Variants in REST observed in about 807,000 individuals in gnomAD.
REST encodes the protein RE1 silencing transcription factor.
In REST, 1 loss-of-function variant was observed where a neutral mutation model predicts 30.4. The ratio of observed to expected loss-of-function variants is 0.03; its 90% CI spans 0.01 to 0.16. The LOEUF is 0.16. REST is among the 10% of genes least tolerant of loss of function. The pLI, the probability that REST is intolerant of heterozygous loss-of-function variation, is 1.00. For missense variants in REST, 1,259 were observed against 1,329.5 expected (o/e 0.95, Z 0.82); for synonymous variants, 504 against 451.1 (o/e 1.12, Z -1.49).
chr4:56,935,706 C>T lies in REST; in HGVS notation c.*3554C>T, dbSNP rs1417283855. ...ATAAAAATAAACCAGATTGCAAATC[C>T]TTTTTTAAAATCCTAAACCATGTAC... is the stretch of plus-strand genomic sequence containing the variant. On this transcript the variant is annotated 3_prime_UTR_variant, in exon 4 of 4. Transcript: ENST00000309042. 1 of 152,052 alleles carries T rather than the reference C, an allele frequency of 6.6e-6. No individual in the cohort carries two copies. Among genetic ancestry groups the T allele is most frequent in the Non-Finnish European group, 1.5e-5 (1 of 68,000 alleles). The allele number at this position is 152,052 out of a possible 1,614,324, so 9.4% of individuals were successfully genotyped here.
chr4:56,918,863 G>T (rs1720320240), intron 2 of REST, among the ~76,000 whole-genome samples: 1 of 152,050 alleles, frequency 6.6e-6, no homozygotes, highest in African/African-American at 2.4e-5. Context: ...TAGAGAGGAG[G>T]TCTTGCTATG....
At chr4:56,926,744 T>C (rs973591583) in intron 3 of REST, among the ~76,000 whole-genome samples, 4 of 152,056 alleles carry the variant, frequency 2.6e-5, no homozygotes, top group Non-Finnish European at 5.9e-5. Flanking sequence ...CTGCTCCATG[T>C]TAAGGACTTT....
chr4:56,917,077 C>T (rs183049068), intron 2 of REST, among the ~76,000 whole-genome samples: 1 of 152,180 alleles, frequency 6.6e-6, no homozygotes, highest in Non-Finnish European at 1.5e-5. Flanking sequence ...GTCTTCATCT[C>T]CTTGTGGTTT....
At chr4:56,914,969 G>A (rs1720117495) in intron 2 of REST, among the ~76,000 whole-genome samples, 1 of 139,316 alleles carries the variant, frequency 7.2e-6, no homozygotes, top group Admixed American at 7.7e-5. Context: ...TTGTCGCCCA[G>A]GGTGGAGTGC....
rs148966683 is a variant in REST at position 56,930,498 on chromosome 4, T to C, written c.1640T>C (p.Val547Ala). The C allele has an allele frequency of 5.6e-5, 90 of 1,611,080 alleles. No individual in the cohort carries two copies. The African/African-American group carries it at 1.1e-3, about 19-fold the overall frequency. The change falls in exon 4 of 4, where the codon GTA (valine) becomes GCA (alanine). Residue 547 changes from valine to alanine, a missense_variant. Val to Ala is a moderately conservative substitution (Grantham distance 64, BLOSUM62 0). Around this residue, in one of 5 missense-constraint regions of REST, gnomAD observed 856 missense variants for 772.8 expected, o/e 1.11. Coordinates refer to ENST00000309042, the MANE Select transcript of REST (RefSeq NM_005612.5). Reference sequence around the variant, plus strand: ...TCTTCAACAAAAAAGAAAAAGAAGGTAGAAAGCAAATCCAAAAATAATAGT... The same window carrying C: ...TCTTCAACAAAAAAGAAAAAGAAGGCAGAAAGCAAATCCAAAAATAATAGT... The part of the protein sequence containing the change: ...EESSTKKKKK[V>A]ESKSKNNSQE...
intron 3 of REST, among the ~76,000 whole-genome samples, chr4:56,923,315 T>C (rs960357963): frequency 1.7e-4 from 26 of 152,238 alleles, no homozygotes; most frequent in African/African-American, 6.3e-4. Flanking sequence ...CTGCGCAGGC[T>C]GGAATGCAGT....
rs1364983415 is a variant in REST at position 56,929,094 on chromosome 4, C to A, written c.983-747C>A. On this transcript the variant is annotated intron_variant, in intron 3 of 3. Coordinates refer to ENST00000309042, the MANE Select transcript of REST (RefSeq NM_005612.5). ...TTTTTTTTTTTTTTTCTTTGAGACA[C>A]AGTCTCGCTGTCACCTAGGCTGGAG... Among the ~76,000 whole-genome samples the A allele has an allele frequency of 6.7e-5, 10 of 148,552 alleles. No individual in the cohort carries two copies. The Admixed American group carries it at 6.8e-4, about 10-fold the overall frequency.
chr4:56,922,866 C>A (rs1240800196), intron 3 of REST, among the ~76,000 whole-genome samples: 1 of 152,162 alleles, frequency 6.6e-6, no homozygotes, highest in Non-Finnish European at 1.5e-5. Flanking sequence ...AAATGATATG[C>A]CTCATTTAAA....
chr4:56,910,014 T>G (rs1432591028), intron 1 of REST, among the ~76,000 whole-genome samples: 1 of 152,262 alleles, frequency 6.6e-6, no homozygotes, highest in African/African-American at 2.4e-5. Context: ...ATGTTTTTTC[T>G]TTTAAGCCTG....
chr4:56,924,162 A>G (rs373718375), intron 3 of REST, among the ~76,000 whole-genome samples: 2 of 152,170 alleles, frequency 1.3e-5, no homozygotes, highest in African/African-American at 4.8e-5. Flanking sequence ...CCAGACAGAC[A>G]TGTTTTATTT....
At chr4:56,923,697 C>A (rs1720553584) in intron 3 of REST, among the ~76,000 whole-genome samples, 1 of 151,420 alleles carries the variant, frequency 6.6e-6, no homozygotes, top group Non-Finnish European at 1.5e-5. Context: ...CCGCGCCTGG[C>A]TGGAACTATT....
intron 1 of REST, chr4:56,908,848 G>C (rs1419533383): frequency 6.6e-6 from 1 of 151,714 alleles, no homozygotes; most frequent in Non-Finnish European, 1.5e-5. Context: ...GGGCGCCGTG[G>C]GGGAGTGAAG....
intron 2 of REST, among the ~76,000 whole-genome samples, chr4:56,912,243 A>G (rs1203715098): frequency 1.3e-5 from 2 of 152,186 alleles, no homozygotes; most frequent in Non-Finnish European, 1.5e-5. Context: ...CTATTTTCCT[A>G]TGAAAGCAAA....
intron 2 of REST, among the ~76,000 whole-genome samples, chr4:56,912,739 C>G (rs897154268): frequency 7.9e-5 from 12 of 152,002 alleles, no homozygotes; most frequent in Non-Finnish European, 1.5e-4. Flanking sequence ...GTCTTGAACT[C>G]CTGACCTCGT....
chr4:56,916,621 AGCGAGACT>A (rs1335355852), intron 2 of REST, among the ~76,000 whole-genome samples: 1 of 152,246 alleles, frequency 6.6e-6, no homozygotes, highest in African/African-American at 2.4e-5. Context: ...TGGGCGACAG[AGCGAGACT>A]GCGTCTCAAA....
chr4:56,912,056 A>C (rs1380500029), intron 2 of REST, among the ~76,000 whole-genome samples: 1 of 152,246 alleles, frequency 6.6e-6, no homozygotes, highest in Non-Finnish European at 1.5e-5. Flanking sequence ...GAGGGCTTAT[A>C]TAAAAAGGAA....
At position 56,932,199 on chromosome 4, in the gene REST, C is replaced by T. The variant is rs762391711; in HGVS notation, c.*47C>T. 1.3e-6 allele frequency: 2 copies of T among 1,522,278 alleles called. No individual in the cohort carries two copies. The highest frequency in any genetic ancestry group is 1.3e-5 in the South Asian group (1 of 76,620). The allele number at this position is 1,522,278 out of a possible 1,614,324, so 94.3% of individuals were successfully genotyped here. The stretch of plus-strand genomic sequence containing the variant: ...AGTTCTTAGTTTGTAAGGTATATTA[C>T]ATTTTATATTCATTTATGATAGCAG... On this transcript the variant is annotated 3_prime_UTR_variant, in exon 4 of 4. Transcript: ENST00000309042.
rs915278718 is a variant in REST, at chr4:56,933,144, A to G, written c.*992A>G. ...TCACAGCTATCAGTTTTGATTTTGC[A>G]ATAAATAAACCACTAGGTTGCATGT... On this transcript the variant is annotated 3_prime_UTR_variant, in exon 4 of 4. Transcript: ENST00000309042. 1 of 152,200 alleles carries G rather than the reference A, an allele frequency of 6.6e-6. No individual in the cohort carries two copies. Among genetic ancestry groups the G allele is most frequent in the African/African-American group, 2.4e-5 (1 of 41,448 alleles). 9.4% of individuals were successfully genotyped at this position (152,200 alleles called of 1,614,324 possible).
chr4:56,931,431 A>G lies in REST; in HGVS notation c.2573A>G (p.Glu858Gly). ...CTTCTAAAGGAAAGTGTAAGCACAGAGGATCTCTCACCACCATCACCACCA... is the reference window on the plus strand; with the variant it reads ...CTTCTAAAGGAAAGTGTAAGCACAGGGGATCTCTCACCACCATCACCACCA... ...SWLLKESVST[E>G]DLSPPSPPLP... Residue 858 changes from glutamate (E) to glycine (G), a missense_variant, in exon 4 of 4, where the codon GAG (glutamate) becomes GGG (glycine). This residue lies in a region of REST where 856 missense variants were observed against 772.8 expected (regional missense o/e 1.11). Transcript: ENST00000309042. 6.2e-7 allele frequency: 1 copy of G among 1,614,270 alleles called. No individual in the cohort carries two copies. The highest frequency in any genetic ancestry group is 8.5e-7 in the Non-Finnish European group (1 of 1,180,050).
Sources: allele counts gnomAD v4.1 joint callset (sites outside exome capture counted in the v4.1 genomes callset), GRCh38; gene constraint gnomAD v4.1.1; regional missense constraint gnomAD v4.1.1; transcripts MANE v1.5; gene names NCBI Gene and HGNC (gene_info 2026-07-23, HGNC 2026-07-21).